The following CAMK2D variants were observed in gnomAD, a reference collection of about 807,000 sequenced individuals.
CAMK2D encodes the protein calcium/calmodulin dependent protein kinase II delta.
CAMK2D carries 37 observed loss-of-function variants against 84.0 expected under a neutral mutation model. The ratio of observed to expected loss-of-function variants is 0.44; its 90% CI spans 0.34 to 0.58. The LOEUF (loss-of-function observed/expected upper bound fraction) is 0.58. Among genes scored for constraint, CAMK2D ranks in the 20% least tolerant of loss-of-function variants. CAMK2D has a pLI of 0.02. For synonymous variants in CAMK2D, 202 were observed against 212.5 expected (o/e 0.95, Z 0.43); for missense variants, 448 against 652.5 (o/e 0.69, Z 3.41).
At position 113,698,948 on chromosome 4, in the gene CAMK2D, G is replaced by A. The variant is rs554750160; in HGVS notation, c.161-37176C>T. Among the ~76,000 whole-genome samples the A allele has an allele frequency of 4.0e-4, 61 of 152,174 alleles. 1 individual carries two copies. The South Asian group carries it at 0.013, about 32-fold the overall frequency. On this transcript the variant is annotated intron_variant, in intron 2 of 20. Transcript: ENST00000511664. ...TCATGTTCACTTTTTCTACATTTTT[G>A]GGATTATGTCCGGATAATAAATTCT...
At chr4:113,670,323 A>AT (rs1175425259) in intron 2 of CAMK2D, among the ~76,000 whole-genome samples, 52 of 151,824 alleles carry the variant, frequency 3.4e-4, no homozygotes, top group African/African-American at 1.3e-3. Flanking sequence ...AAATAAATAA[A>AT]AAACTATGAT....
intron 4 of CAMK2D, among the ~76,000 whole-genome samples, chr4:113,559,678 T>C (rs1044915979): frequency 3.3e-5 from 5 of 152,272 alleles, no homozygotes; most frequent in Non-Finnish European, 7.3e-5. Flanking sequence ...CACAGTTAAA[T>C]TGTGTTTCAC....
rs142717770 is a variant in CAMK2D at position 113,567,870 on chromosome 4, T to C, written c.276-15774A>G. ...CTAGGTACCCAATAAACATTAGTTA[T>C]AATTATTATTGCTTCAAAACAACGA... On this transcript the variant is annotated intron_variant, in intron 4 of 20. Coordinates refer to ENST00000511664, the MANE Select transcript of CAMK2D (RefSeq NM_001321571.2). 2.1e-4 allele frequency among the ~76,000 whole-genome samples: 32 copies of C among 152,334 alleles called. No individual in the cohort carries two copies. The East Asian group carries it at 3.7e-3, about 17-fold the overall frequency.
At chr4:113,483,652 C>A (rs998549426) in intron 16 of CAMK2D, among the ~76,000 whole-genome samples, 1 of 152,106 alleles carries the variant, frequency 6.6e-6, no homozygotes, top group African/African-American at 2.4e-5. Context: ...GTGATCCACC[C>A]GCCTCAGCCT....
chr4:113,462,294 GTCTGTCTGTC>G (rs371119684), intron 17 of CAMK2D, among the ~76,000 whole-genome samples: 1,758 of 129,182 alleles, frequency 0.014, 14 homozygotes, highest in Middle Eastern at 0.025. Context: ...GTGTGTGTGT[GTCTGTCTGTC>G]TGTCTGTCTG....
intron 2 of CAMK2D, among the ~76,000 whole-genome samples, chr4:113,732,128 T>G (rs889015756): frequency 3.3e-5 from 5 of 151,992 alleles, no homozygotes; most frequent in African/African-American, 1.2e-4. Context: ...TCCTTCTTTT[T>G]TTTTTTTCTT....
chr4:113,569,702 G>C lies in CAMK2D; in HGVS notation c.276-17606C>G, dbSNP rs144215417. ...ATTATCATACAAGATCTTCCCCAAA[G>C]GTCAGAATTCATGCAATTCTACCCT... On this transcript the variant is annotated intron_variant, in intron 4 of 20. Coordinates refer to ENST00000511664, the MANE Select transcript of CAMK2D (RefSeq NM_001321571.2). 1.1e-3 allele frequency among the ~76,000 whole-genome samples: 160 copies of C among 152,064 alleles called. 1 individual carries two copies. Among genetic ancestry groups the C allele is most frequent in the African/African-American group, 3.7e-3 (154 of 41,508 alleles).
intron 2 of CAMK2D, among the ~76,000 whole-genome samples, chr4:113,666,765 G>C (rs1413397401): frequency 6.6e-6 from 1 of 152,088 alleles, no homozygotes; most frequent in Non-Finnish European, 1.5e-5. Flanking sequence ...AGTTGCCCAT[G>C]GGAGCATGAA....
intron 2 of CAMK2D, among the ~76,000 whole-genome samples, chr4:113,749,597 A>C (rs1048096362): frequency 1.8e-4 from 28 of 152,220 alleles, no homozygotes; most frequent in African/African-American, 6.3e-4. Context: ...ATGGATCAAA[A>C]TTTTTTTAAA....
chr4:113,469,015 C>T (rs977354131), intron 16 of CAMK2D, among the ~76,000 whole-genome samples: 9 of 152,182 alleles, frequency 5.9e-5, no homozygotes, highest in African/African-American at 2.2e-4. Flanking sequence ...GAGAGATGTT[C>T]CAGGTTCTGA....
chr4:113,470,752 T>G (rs748326922), intron 16 of CAMK2D, among the ~76,000 whole-genome samples: 2 of 152,220 alleles, frequency 1.3e-5, no homozygotes, highest in Non-Finnish European at 1.5e-5. Context: ...TTAGTACACT[T>G]GTATTTACAT....
Position 113,761,190 on chromosome 4 carries a change from G to T in CAMK2D, c.-122C>A. On this transcript the variant is annotated 5_prime_UTR_variant, in exon 1 of 21. Transcript: ENST00000511664. ...AGGGCCGCTCTTACTTTCCTGGTCC[G>T]AAAGTAGCTCGCCCGCGAGGGAGTG... 6.7e-7 allele frequency: 1 copy of T among 1,501,184 alleles called. No individual in the cohort carries two copies. The highest frequency in any genetic ancestry group is 8.9e-7 in the Non-Finnish European group (1 of 1,119,222). The allele number at this position is 1,501,184 out of a possible 1,614,324, so 93.0% of individuals were successfully genotyped here.
chr4:113,542,503 C>G (rs2098537107), intron 6 of CAMK2D, among the ~76,000 whole-genome samples: 1 of 149,818 alleles, frequency 6.7e-6, no homozygotes, highest in South Asian at 2.1e-4. Flanking sequence ...ATCACGAGGT[C>G]AGGAGATCAA....
At chr4:113,691,691 T>C (rs1468177079) in intron 2 of CAMK2D, among the ~76,000 whole-genome samples, 1 of 151,982 alleles carries the variant, frequency 6.6e-6, no homozygotes, top group Non-Finnish European at 1.5e-5. Flanking sequence ...AGGCAGAAGT[T>C]GCAGTGAGCT....
At chr4:113,582,147 C>T (rs1169395234) in intron 4 of CAMK2D, among the ~76,000 whole-genome samples, 1 of 152,192 alleles carries the variant, frequency 6.6e-6, no homozygotes, top group Non-Finnish European at 1.5e-5. Flanking sequence ...CTTGGTTTCA[C>T]ATCCAGGTTG....
At chr4:113,511,216 A>G (rs2098209668) in intron 12 of CAMK2D, among the ~76,000 whole-genome samples, 1 of 152,204 alleles carries the variant, frequency 6.6e-6, no homozygotes, top group Non-Finnish European at 1.5e-5. Context: ...GCAATGAAAT[A>G]GGATGAATAA....
intron 14 of CAMK2D, chr4:113,503,410 G>A (rs1263422072): frequency 2.4e-6 from 1 of 416,948 alleles, no homozygotes; most frequent in Non-Finnish European, 4.7e-6. Context: ...CAGTTATATT[G>A]GTTTGAAACT....
intron 18 of CAMK2D, among the ~76,000 whole-genome samples, chr4:113,458,757 A>G (rs1327604850): frequency 6.6e-6 from 1 of 152,228 alleles, no homozygotes. Context: ...TCTTAATTCG[A>G]AAATCCATGC....
intron 16 of CAMK2D, among the ~76,000 whole-genome samples, chr4:113,490,927 G>A (rs2097832150): frequency 1.2e-5 from 1 of 84,522 alleles, no homozygotes. Context: ...GTTCACTCAG[G>A]ATTTGGCTCT....
Sources: gnomAD v4.1 joint callset for allele counts (sites outside exome capture counted in the v4.1 genomes callset) on GRCh38, gnomAD v4.1.1 for gene constraint, MANE v1.5 for transcripts, NCBI Gene and HGNC (gene_info 2026-07-23, HGNC 2026-07-21) for gene names.